Variants in USH2A observed in about 807,000 individuals in gnomAD.
USH2A encodes the protein usherin, also known as Usher syndrome 2A (autosomal recessive, mild).
USH2A carries 443 observed loss-of-function variants against 538.9 expected under a neutral mutation model. The ratio of observed to expected loss-of-function variants is 0.82; its 90% confidence interval spans 0.76 to 0.89. The LOEUF is 0.89. USH2A is among the 40% of genes least tolerant of loss of function. The pLI, the probability that USH2A is intolerant of heterozygous loss-of-function variation, is 0.00. For synonymous variants in USH2A, 2,413 were observed against 2,273.5 expected (o/e 1.06, Z -1.75); for missense variants, 6,633 against 6,324.8 (o/e 1.05, Z -1.65).
chr1:216,316,809 A>G (rs548888488), intron 9 of USH2A, among the ~76,000 whole-genome samples: 1 of 152,182 alleles, frequency 6.6e-6, no homozygotes, highest in South Asian at 2.1e-4. Flanking sequence ...GTTCTCAAAC[A>G]AACAACCCCA....
chr1:215,801,018 A>C (rs1662314214), intron 49 of USH2A, among the ~76,000 whole-genome samples: 1 of 152,164 alleles, frequency 6.6e-6, no homozygotes, highest in South Asian at 2.1e-4. Context: ...TCAATAGAAC[A>C]AAGGGGAAAA....
At chr1:215,651,340 T>G (rs757279291) in intron 64 of USH2A, among the ~76,000 whole-genome samples, 10 of 152,214 alleles carry the variant, frequency 6.6e-5, no homozygotes, top group Non-Finnish European at 1.2e-4. Flanking sequence ...CATGAGTAAG[T>G]AATTTGTAGA....
intron 11 of USH2A, among the ~76,000 whole-genome samples, chr1:216,263,208 C>T (rs1186452804): frequency 6.6e-6 from 1 of 152,100 alleles, no homozygotes; most frequent in Non-Finnish European, 1.5e-5. Flanking sequence ...AATAGAAGAA[C>T]TAATACCATT....
At chr1:216,357,246 T>C (rs1266520636) in intron 4 of USH2A, among the ~76,000 whole-genome samples, 1 of 152,158 alleles carries the variant, frequency 6.6e-6, no homozygotes, top group Non-Finnish European at 1.5e-5. Flanking sequence ...TTGTCTGCAA[T>C]GTTCTGAAAC....
chr1:216,051,969 G>A (rs192066370), intron 30 of USH2A, among the ~76,000 whole-genome samples: 2 of 152,152 alleles, frequency 1.3e-5, no homozygotes, highest in East Asian at 3.9e-4. Flanking sequence ...ACTTTCAGAG[G>A]GATTGTATCA....
At position 215,879,035 on chromosome 1, in the gene USH2A, C is replaced by T. The variant is rs763525579; in HGVS notation, c.8287G>A (p.Asp2763Asn). The change falls in exon 42 of 72, where the codon GAC becomes AAC. Residue 2763 changes from aspartate to asparagine, a missense_variant. Transcript: ENST00000307340. Reference sequence around the variant, plus strand: ...ACATTGGTTAAAGTGATGTGAGGGTCAGGCATGTGAATCTCATAGCTAAGT... The same window carrying T: ...ACATTGGTTAAAGTGATGTGAGGGTTAGGCATGTGAATCTCATAGCTAAGT... ...DILSYEIHMP[D>N]PHITLTNVTS... The T allele has an allele frequency of 6.2e-7, 1 of 1,614,042 alleles. No homozygotes were observed. Among genetic ancestry groups the T allele is most frequent in the Non-Finnish European group, 8.5e-7 (1 of 1,179,954 alleles).
chr1:215,684,399 A>C (rs559384997), intron 61 of USH2A, among the ~76,000 whole-genome samples: 3 of 152,164 alleles, frequency 2.0e-5, no homozygotes, highest in Non-Finnish European at 4.4e-5. Context: ...ATTACCATTG[A>C]TCTGTAGCTG....
intron 37 of USH2A, among the ~76,000 whole-genome samples, chr1:215,938,412 C>T (rs565135972): frequency 6.9e-4 from 105 of 152,116 alleles, no homozygotes; most frequent in Middle Eastern, 6.8e-3. Flanking sequence ...TCAATATGGG[C>T]GGGGAGGGGT....
At chr1:216,198,648 G>T (rs1296079991) in intron 17 of USH2A, 64 bp from the exon 18 acceptor site, 1 of 1,481,036 alleles carries the variant, frequency 6.8e-7, no homozygotes, top group Non-Finnish European at 9.3e-7. Context: ...TAGGGGTAGG[G>T]TAGGGACAGG....
intron 49 of USH2A, among the ~76,000 whole-genome samples, chr1:215,801,698 C>T (rs1444995557): frequency 6.6e-6 from 1 of 152,096 alleles, no homozygotes; most frequent in Non-Finnish European, 1.5e-5. Flanking sequence ...GGTGCCAGTA[C>T]TGCTCAAGTG....
In USH2A at chr1:215,970,677, T is replaced by C. The variant is rs1208209655; in HGVS notation, c.6905A>G (p.His2302Arg). 1 of 1,613,708 alleles carries C rather than the reference T, an allele frequency of 6.2e-7. No homozygotes were observed. Among genetic ancestry groups the C allele is most frequent in the East Asian group, 2.2e-5 (1 of 44,852 alleles). The change falls in exon 36 of 72, where the codon CAT (histidine) becomes CGT (arginine). Residue 2302 changes from histidine to arginine, a missense_variant. By Grantham distance (29) the His-to-Arg change is conservative. Transcript: ENST00000307340. ...CGTGCATGCTTGGACTCTGAAGGAA[T>C]GTAAACTCCAAGGAGCAAATCCGTA... Reference protein sequence around the residue: ...RAYGFAPWSLHSFRVQACTAK... With the variant: ...RAYGFAPWSLRSFRVQACTAK...
chr1:216,419,009 T>C (rs954484945), intron 2 of USH2A, among the ~76,000 whole-genome samples: 35 of 152,174 alleles, frequency 2.3e-4, no homozygotes, highest in African/African-American at 8.2e-4. Context: ...TCTCCTGCTA[T>C]TTCTTTTAGA....
intron 37 of USH2A, 136 bp downstream of exon 37, chr1:215,965,181 G>A (rs1361402593): frequency 2.1e-5 from 21 of 999,082 alleles, no homozygotes; most frequent in Admixed American, 1.8e-4. Context: ...TAGCTTATCC[G>A]TATAGGTTAT....
At chr1:215,931,010 T>C (rs1478521704) in intron 38 of USH2A, among the ~76,000 whole-genome samples, 1 of 151,904 alleles carries the variant, frequency 6.6e-6, no homozygotes, top group Non-Finnish European at 1.5e-5. Flanking sequence ...CCTAAAAATA[T>C]AGTAATTGTA....
chr1:216,231,532 A>T (rs2035692942), intron 14 of USH2A, among the ~76,000 whole-genome samples: 1 of 141,624 alleles, frequency 7.1e-6, no homozygotes, highest in Non-Finnish European at 1.5e-5. Flanking sequence ...GGAACAAAAA[A>T]CATATCAATA....
At chr1:216,071,795 C>G (rs1014025797) in intron 29 of USH2A, among the ~76,000 whole-genome samples, 1 of 152,162 alleles carries the variant, frequency 6.6e-6, no homozygotes, top group African/African-American at 2.4e-5. Context: ...ATGTCAGTAA[C>G]AAGTGAGTAT....
intron 11 of USH2A, among the ~76,000 whole-genome samples, chr1:216,263,842 A>G (rs2102570319): frequency 6.6e-6 from 1 of 152,258 alleles, no homozygotes; most frequent in Middle Eastern, 3.4e-3. Flanking sequence ...TCTGGTTTAC[A>G]GATGACAGGA....
chr1:216,004,902 G>A (rs1285122536), intron 32 of USH2A, among the ~76,000 whole-genome samples: 1 of 152,130 alleles, frequency 6.6e-6, no homozygotes, highest in Admixed American at 6.6e-5. Flanking sequence ...CTATGTGGGT[G>A]CCAATACTGG....
chr1:216,200,450 C>A (rs900380502), intron 16 of USH2A, among the ~76,000 whole-genome samples: 3 of 152,092 alleles, frequency 2.0e-5, no homozygotes, highest in African/African-American at 7.2e-5. Context: ...ACTATGTTTC[C>A]TCTATGTAAC....
Sources: gnomAD v4.1 joint callset for allele counts (sites outside exome capture counted in the v4.1 genomes callset) on GRCh38, gnomAD v4.1.1 for gene constraint, MANE v1.5 for transcripts, NCBI Gene and HGNC (gene_info 2026-07-23, HGNC 2026-07-21) for gene names.